MVB12B: variants seen among roughly 807,000 people sequenced by gnomAD.
MVB12B encodes the protein multivesicular body subunit 12B.
In MVB12B, 16 loss-of-function variants were observed where a neutral mutation model predicts 41.6. That is an observed-to-expected ratio of 0.38 (90% CI 0.26 to 0.58). MVB12B has a LOEUF of 0.58. Among genes scored for constraint, MVB12B ranks in the 20% least tolerant of loss-of-function variants. The pLI is 0.62. For synonymous variants in MVB12B, 133 were observed against 139.7 expected (o/e 0.95, Z 0.34); for missense variants, 274 against 380.2 (o/e 0.72, Z 2.32).
At chr9:126,447,037 C>G (rs1832789950) in intron 7 of MVB12B, among the ~76,000 whole-genome samples, 1 of 149,390 alleles carries the variant, frequency 6.7e-6, no homozygotes, top group African/African-American at 2.5e-5. Flanking sequence ...CGCCGCCTCC[C>G]AGGTTCAAGT....
At chr9:126,411,803 C>T (rs570152021) in intron 6 of MVB12B, among the ~76,000 whole-genome samples, 1 of 152,264 alleles carries the variant, frequency 6.6e-6, no homozygotes, top group East Asian at 1.9e-4. Flanking sequence ...TCTGTTTTAG[C>T]GGAAACAAGT....
chr9:126,492,249 C>T (rs938889810), intron 9 of MVB12B, among the ~76,000 whole-genome samples: 2 of 149,924 alleles, frequency 1.3e-5, no homozygotes, highest in South Asian at 2.2e-4. Context: ...TTTTTAATGA[C>T]TATATGTTGT....
intron 7 of MVB12B, among the ~76,000 whole-genome samples, chr9:126,452,175 G>A (rs768431462): frequency 6.6e-6 from 1 of 152,236 alleles, no homozygotes; most frequent in Non-Finnish European, 1.5e-5. Context: ...GTGTGCTCAC[G>A]TGCAGGCACG....
chr9:126,469,054 T>C (rs1588196284), intron 7 of MVB12B, among the ~76,000 whole-genome samples: 1 of 152,248 alleles, frequency 6.6e-6, no homozygotes, highest in Non-Finnish European at 1.5e-5. Context: ...CTCATGCCTG[T>C]AATCCCAGCT....
intron 9 of MVB12B, among the ~76,000 whole-genome samples, chr9:126,495,459 T>G (rs1833810638): frequency 1.3e-5 from 2 of 152,240 alleles, no homozygotes; most frequent in South Asian, 4.1e-4. Context: ...CATAGTTTTC[T>G]CTATCTTTCA....
At chr9:126,501,304 C>G (rs555834487) in intron 9 of MVB12B, among the ~76,000 whole-genome samples, 5 of 152,348 alleles carry the variant, frequency 3.3e-5, no homozygotes, top group East Asian at 3.9e-4. Flanking sequence ...TCCAGGCAGG[C>G]CTGGACATGG....
chr9:126,480,085 G>A lies in MVB12B; in HGVS notation c.758-1284G>A, dbSNP rs760605497. Among the ~76,000 whole-genome samples, 4 of 152,136 alleles carry A rather than the reference G, an allele frequency of 2.6e-5. No individual in the cohort carries two copies. Among genetic ancestry groups the A allele is most frequent in the Non-Finnish European group, 5.9e-5 (4 of 68,040 alleles). The stretch of plus-strand genomic sequence containing the variant: ...AGCAAAGATTGTTGGTCCCAGGAGC[G>A]CACTGCCCGACGCTGCCCCCATGCT... On this transcript the variant is annotated intron_variant, in intron 7 of 9. Transcript: ENST00000361171. The surrounding 1 kb of genome is among the most constrained non-coding windows in gnomAD (Gnocchi z 4.9).
intron 9 of MVB12B, among the ~76,000 whole-genome samples, chr9:126,497,407 G>A (rs1833860437): frequency 6.6e-6 from 1 of 152,162 alleles, no homozygotes; most frequent in Non-Finnish European, 1.5e-5. Context: ...GCCCCGCAGT[G>A]TGGTCATTGA....
chr9:126,435,081 CTT>C (rs113103765), intron 7 of MVB12B, among the ~76,000 whole-genome samples: 1 of 146,194 alleles, frequency 6.8e-6, no homozygotes. Flanking sequence ...AGTCTGTTTT[CTT>C]TTTTTTTTTG....
intron 7 of MVB12B, among the ~76,000 whole-genome samples, chr9:126,476,876 CAAAA>C (rs35160593): frequency 1.6e-5 from 1 of 63,818 alleles, no homozygotes; most frequent in Non-Finnish European, 3.0e-5. Context: ...GACTCCATCT[CAAAA>C]AAAAAAAAAA....
chr9:126,413,850 G>GTGTGCA (rs1554776222), intron 6 of MVB12B, among the ~76,000 whole-genome samples: 3 of 42,370 alleles, frequency 7.1e-5, no homozygotes, highest in South Asian at 1.1e-3. Flanking sequence ...GTGTGTGTGT[G>GTGTGCA]TGTATAAGGG....
At chr9:126,422,263 G>T (rs917790561) in intron 7 of MVB12B, among the ~76,000 whole-genome samples, 1 of 152,160 alleles carries the variant, frequency 6.6e-6, no homozygotes, top group Non-Finnish European at 1.5e-5. Flanking sequence ...GGCTTCCCAC[G>T]GGGCCTCGGG....
chr9:126,420,669 C>T (rs1413173152), intron 6 of MVB12B, among the ~76,000 whole-genome samples: 3 of 149,326 alleles, frequency 2.0e-5, no homozygotes, highest in Non-Finnish European at 3.0e-5. Context: ...CTGCAACCTC[C>T]GCCTCCCAGG....
At chr9:126,375,654 A>G (rs781036713) in intron 2 of MVB12B, among the ~76,000 whole-genome samples, 15 of 152,150 alleles carry the variant, frequency 9.9e-5, no homozygotes, top group South Asian at 4.1e-4. Context: ...GGTTCTGCTG[A>G]TGCATCCTCC....
At chr9:126,452,688 G>T (rs574117101) in intron 7 of MVB12B, among the ~76,000 whole-genome samples, 1 of 152,290 alleles carries the variant, frequency 6.6e-6, no homozygotes, top group Non-Finnish European at 1.5e-5. Context: ...CCATGCCTTT[G>T]ATCTTGCTGA....
chr9:126,370,817 A>G (rs1215884405), intron 2 of MVB12B, among the ~76,000 whole-genome samples: 3 of 152,168 alleles, frequency 2.0e-5, no homozygotes, highest in Admixed American at 1.3e-4. Flanking sequence ...GGGATACTAC[A>G]AAGTATCCAA....
chr9:126,383,555 AC>A (rs1830691100), intron 3 of MVB12B, among the ~76,000 whole-genome samples: 1 of 152,202 alleles, frequency 6.6e-6, no homozygotes, highest in South Asian at 2.1e-4. Context: ...ATTACAGTAT[AC>A]TAGCAAATAC....
intron 7 of MVB12B, among the ~76,000 whole-genome samples, chr9:126,422,982 C>T (rs755976346): frequency 6.6e-6 from 1 of 152,168 alleles, no homozygotes; most frequent in Non-Finnish European, 1.5e-5. Flanking sequence ...GAGCCAGGCT[C>T]TCCAAGGGGA....
intron 7 of MVB12B, among the ~76,000 whole-genome samples, chr9:126,437,695 C>T (rs977873414): frequency 2.0e-5 from 3 of 152,160 alleles, no homozygotes; most frequent in African/African-American, 4.8e-5. Flanking sequence ...CGTTGACAGG[C>T]GGGAGTACGC....
Sources: gnomAD v4.1 joint callset for allele counts (sites outside exome capture counted in the v4.1 genomes callset) on GRCh38, gnomAD v4.1.1 for gene constraint, Gnocchi (gnomAD v3.1) non-coding constraint, MANE v1.5 for transcripts, NCBI Gene and HGNC (gene_info 2026-07-23, HGNC 2026-07-21) for gene names.